Variants in BANK1 observed in about 807,000 individuals in gnomAD.
BANK1 encodes the protein B-cell scaffold protein with ankyrin repeats.
Under a neutral mutation model 94.5 loss-of-function variants are expected in BANK1, and 95 were observed. The observed-to-expected ratio is 1.00, with a 90% CI of 0.85 to 1.19. BANK1 has a LOEUF of 1.19. Ranked by LOEUF, BANK1 falls within the 50% of genes most tolerant of loss-of-function variation. The probability of loss-of-function intolerance (pLI) is 0.00; values close to 1 mark genes in which losing one functional copy is unlikely to be tolerated. For missense variants in BANK1, 987 were observed against 932.2 expected (o/e 1.06, Z -0.77); for synonymous variants, 334 against 308.4 (o/e 1.08, Z -0.87).
chr4:101,932,726 G>A (rs764583706), intron 7 of BANK1, among the ~76,000 whole-genome samples: 3 of 151,482 alleles, frequency 2.0e-5, no homozygotes, highest in Non-Finnish European at 3.0e-5. Context: ...TTGTGAGACC[G>A]CTCATTCCTC....
At chr4:102,045,869 A>C (rs1353057232) in intron 11 of BANK1, among the ~76,000 whole-genome samples, 1 of 151,994 alleles carries the variant, frequency 6.6e-6, no homozygotes, top group Non-Finnish European at 1.5e-5. Flanking sequence ...CGTACTGCCC[A>C]AGGTAATTTA....
intron 7 of BANK1, among the ~76,000 whole-genome samples, chr4:101,943,569 A>G (rs577287492): frequency 2.0e-5 from 3 of 151,902 alleles, no homozygotes; most frequent in Admixed American, 6.6e-5. Flanking sequence ...CAGTGAATGA[A>G]GGGGAAGGAG....
At chr4:101,909,740 C>A (rs1245090144) in intron 6 of BANK1, among the ~76,000 whole-genome samples, 1 of 152,074 alleles carries the variant, frequency 6.6e-6, no homozygotes, top group East Asian at 1.9e-4. Flanking sequence ...GGCCTGCTCC[C>A]AACAACATAT....
At chr4:101,978,436 AG>A (rs1280868726) in intron 7 of BANK1, among the ~76,000 whole-genome samples, 1 of 152,090 alleles carries the variant, frequency 6.6e-6, no homozygotes, top group Non-Finnish European at 1.5e-5. Context: ...TGTACCTGGA[AG>A]GTAGTAAGTA....
At chr4:101,997,342 T>C (rs948936095) in intron 7 of BANK1, among the ~76,000 whole-genome samples, 1 of 152,208 alleles carries the variant, frequency 6.6e-6, no homozygotes, top group Non-Finnish European at 1.5e-5. Flanking sequence ...CAGTATTTTA[T>C]TGAGAATTAT....
At chr4:102,061,097 A>T (rs138498222) in intron 12 of BANK1, among the ~76,000 whole-genome samples, 216 of 152,316 alleles carry the variant, frequency 1.4e-3, no homozygotes, top group African/African-American at 4.9e-3. Flanking sequence ...TTCAGAACCC[A>T]GTTCTAGATA....
intron 13 of BANK1, among the ~76,000 whole-genome samples, chr4:102,069,593 G>GT (rs1005625041): frequency 1.2e-4 from 19 of 152,082 alleles, no homozygotes; most frequent in African/African-American, 4.6e-4. Flanking sequence ...TCCATTCCAG[G>GT]TTTTTTTCCA....
At chr4:101,961,603 T>C (rs1724572463) in intron 7 of BANK1, among the ~76,000 whole-genome samples, 1 of 152,214 alleles carries the variant, frequency 6.6e-6, no homozygotes, top group African/African-American at 2.4e-5. Context: ...TGTCAAACTA[T>C]TATTTTTTAG....
intron 6 of BANK1, 48 bp from the exon 7 acceptor site, chr4:101,917,945 T>A (rs1317247134): frequency 7.3e-7 from 1 of 1,375,482 alleles, no homozygotes; most frequent in Non-Finnish European, 1.0e-6. Flanking sequence ...TTAATGAGAT[T>A]GCCAATAAAA....
chr4:101,846,010 C>G (rs1727229739), intron 2 of BANK1, among the ~76,000 whole-genome samples: 1 of 151,762 alleles, frequency 6.6e-6, no homozygotes, highest in Non-Finnish European at 1.5e-5. Context: ...TGCTATCCCT[C>G]CCCCCTTCCC....
Position 101,798,521 on chromosome 4 carries a change from T to C in BANK1, c.70+7571T>C, listed in dbSNP as rs180747692. On this transcript the variant is annotated intron_variant, in intron 1 of 16. Coordinates refer to ENST00000322953, the MANE Select transcript of BANK1 (RefSeq NM_017935.5). ...AAATGGTATTTCTAGTTCTAGATCC[T>C]TGAGGAATCGCCATACTATCTTCCA... Among the ~76,000 whole-genome samples, 760 of 152,324 alleles carry C rather than the reference T, an allele frequency of 5.0e-3. 8 individuals carry two copies. Among genetic ancestry groups the C allele is most frequent in the African/African-American group, 0.017 (709 of 41,580 alleles).
chr4:101,985,633 C>T (rs1053266767), intron 7 of BANK1, among the ~76,000 whole-genome samples: 1 of 151,802 alleles, frequency 6.6e-6, no homozygotes, highest in Non-Finnish European at 1.5e-5. Context: ...TGCTTTATAC[C>T]TTGGAAACAT....
intron 7 of BANK1, among the ~76,000 whole-genome samples, chr4:101,962,506 C>G (rs1246464668): frequency 6.6e-6 from 1 of 152,162 alleles, no homozygotes; most frequent in East Asian, 1.9e-4. Flanking sequence ...CTTTCAACCA[C>G]CTGCTTAACA....
chr4:102,065,366 T>C (rs1237665278), intron 13 of BANK1, among the ~76,000 whole-genome samples: 1 of 152,148 alleles, frequency 6.6e-6, no homozygotes, highest in Non-Finnish European at 1.5e-5. Context: ...CCTTGGGCTT[T>C]CTATCACAAA....
intron 1 of BANK1, among the ~76,000 whole-genome samples, chr4:101,823,916 ATT>A (rs1726267783): frequency 6.6e-6 from 1 of 152,242 alleles, no homozygotes; most frequent in South Asian, 2.1e-4. Context: ...CCTGTAGAAG[ATT>A]TGTAAAAATG....
At chr4:102,036,395 T>C (rs1380581240) in intron 10 of BANK1, among the ~76,000 whole-genome samples, 6 of 152,256 alleles carry the variant, frequency 3.9e-5, no homozygotes, top group Non-Finnish European at 8.8e-5. Context: ...CATATCATTG[T>C]AAACGTGACA....
chr4:102,020,245 A>G (rs1222925087), intron 7 of BANK1, among the ~76,000 whole-genome samples: 2 of 152,130 alleles, frequency 1.3e-5, no homozygotes, highest in African/African-American at 2.4e-5. Flanking sequence ...GACCTACCTT[A>G]TGAAATATAT....
At chr4:101,837,861 C>T (rs1032928638) in intron 2 of BANK1, among the ~76,000 whole-genome samples, 15 of 151,818 alleles carry the variant, frequency 9.9e-5, no homozygotes, top group Admixed American at 7.2e-4. Context: ...ATTCTGTATA[C>T]GACTCTGGAT....
chr4:101,974,702 G>C (rs2008254), intron 7 of BANK1, among the ~76,000 whole-genome samples: 57,501 of 151,640 alleles, frequency 0.38, 12,009 homozygotes, highest in South Asian at 0.53. Flanking sequence ...TTCATTATGA[G>C]TTTCATCTTG....
Sources: gnomAD v4.1 joint callset for allele counts (sites outside exome capture counted in the v4.1 genomes callset) on GRCh38, gnomAD v4.1.1 for gene constraint, MANE v1.5 for transcripts, NCBI Gene and HGNC (gene_info 2026-07-23, HGNC 2026-07-21) for gene names.